Variants in PRKACA observed in about 807,000 individuals in gnomAD.
PRKACA encodes the protein cAMP-dependent protein kinase catalytic subunit alpha.
In PRKACA, 9 loss-of-function variants were observed where a neutral mutation model predicts 45.8. That is an observed-to-expected ratio of 0.20 (90% CI 0.12 to 0.34). PRKACA has a LOEUF of 0.34. Ranked by LOEUF, PRKACA falls within the 10% of genes least tolerant of loss-of-function variation. The pLI, the probability that PRKACA is intolerant of heterozygous loss-of-function variation, is 1.00. For missense variants in PRKACA, 238 were observed against 458.6 expected (o/e 0.52, Z 4.39); for synonymous variants, 160 against 178.6 (o/e 0.90, Z 0.83).
At chr19:14,109,999 T>TATATACATACACACACACACACAC (rs1555774928) in intron 1 of PRKACA, among the ~76,000 whole-genome samples, 1 of 55,468 alleles carries the variant, frequency 1.8e-5, no homozygotes, top group African/African-American at 1.0e-4. Context: ...TATATATATA[T>TATATACATACACACACACACACAC]ACACACACAC....
At chr19:14,093,831 C>A in intron 8 of PRKACA, 39 bp from the exon 9 acceptor site, 1 of 1,576,790 alleles carries the variant, frequency 6.3e-7, no homozygotes, top group South Asian at 1.2e-5. Context: ...GGAAGCTGGT[C>A]TGGAACTTGG....
intron 9 of PRKACA, 147 bp from the exon 10 acceptor site, chr19:14,093,384 C>T: frequency 1.7e-6 from 2 of 1,190,038 alleles, no homozygotes; most frequent in Admixed American, 2.6e-5. Flanking sequence ...TCTTAACAGC[C>T]CGAAACTCTT....
intron 5 of PRKACA, among the ~76,000 whole-genome samples, chr19:14,099,059 G>T (rs1437092843): frequency 5.3e-5 from 8 of 151,968 alleles, no homozygotes; most frequent in Admixed American, 1.3e-4. Flanking sequence ...GGCCAAGGCG[G>T]GGGGGGCGGA....
chr19:14,115,795 T>C (rs760886950), intron 1 of PRKACA, among the ~76,000 whole-genome samples: 1 of 152,118 alleles, frequency 6.6e-6, no homozygotes, highest in African/African-American at 2.4e-5. Flanking sequence ...AACTTTCAAC[T>C]GAGCTACCGC....
chr19:14,093,607 G>A, intron 9 of PRKACA, 21 bp downstream of exon 9: 1 of 1,607,912 alleles, frequency 6.2e-7, no homozygotes, highest in Non-Finnish European at 8.5e-7. Flanking sequence ...CCCTCAGCAG[G>A]CTTAAGGAGG....
At chr19:14,117,426 AG>A in intron 1 of PRKACA, 75 bp downstream of exon 1, 1 of 1,220,606 alleles carries the variant, frequency 8.2e-7, no homozygotes, top group Non-Finnish European at 1.0e-6. Flanking sequence ...CCGTAGGGGG[AG>A]GGGCCAGGCG....
At chr19:14,094,350 G>A (rs1977184921) in intron 8 of PRKACA, among the ~76,000 whole-genome samples, 1 of 152,034 alleles carries the variant, frequency 6.6e-6, no homozygotes, top group African/African-American at 2.4e-5. Context: ...CAAGACACCT[G>A]GCTAATTTTT....
rs1977483155 is a variant in PRKACA, at chr19:14,102,801, C to G, written c.336+15G>C. 6.2e-7 allele frequency: 1 copy of G among 1,609,092 alleles called. No homozygotes were observed. Among genetic ancestry groups the G allele is most frequent in the African/African-American group, 1.3e-5 (1 of 74,826 alleles). Reference sequence around the variant, plus strand: ...CAATGCAGTGACCCCCCGCCCTTGGCCACTGGGACCCCACCTTGAAGGAGA... The same window carrying G: ...CAATGCAGTGACCCCCCGCCCTTGGGCACTGGGACCCCACCTTGAAGGAGA... On this transcript the variant is annotated intron_variant, in intron 4 of 9. Coordinates refer to ENST00000308677, the MANE Select transcript of PRKACA (RefSeq NM_002730.4).
chr19:14,113,224 G>A (rs1300249471), intron 1 of PRKACA, among the ~76,000 whole-genome samples: 1 of 152,010 alleles, frequency 6.6e-6, no homozygotes, highest in Admixed American at 6.6e-5. Context: ...GGGAGGGGGA[G>A]GCAGCCTTGA....
At chr19:14,108,303 A>T (rs756550513) in intron 1 of PRKACA, 36 of 231,408 alleles carry the variant, frequency 1.6e-4, no homozygotes, top group Non-Finnish European at 2.3e-4. Flanking sequence ...TTGAGGAATG[A>T]ATGAGTTCAT....
intron 4 of PRKACA, 68 bp from the exon 5 acceptor site, chr19:14,100,976 G>T: frequency 7.2e-7 from 1 of 1,384,284 alleles, no homozygotes; most frequent in Non-Finnish European, 1.0e-6. Context: ...GGCCTTGGGG[G>T]CCTCCCCGGC....
At chr19:14,096,032 G>GTTTTTTT (rs60082323) in intron 8 of PRKACA, among the ~76,000 whole-genome samples, 7 of 92,580 alleles carry the variant, frequency 7.6e-5, no homozygotes, top group South Asian at 3.5e-4. Flanking sequence ...CTAATTTTTA[G>GTTTTTTT]TTTTTTTTTT....
chr19:14,094,240 G>A (rs1248440287), intron 8 of PRKACA, among the ~76,000 whole-genome samples: 3 of 149,570 alleles, frequency 2.0e-5, no homozygotes, highest in African/African-American at 5.0e-5. Flanking sequence ...CCAGGCTGGA[G>A]TGCAGTGGTG....
intron 4 of PRKACA, 81 bp from the exon 5 acceptor site, chr19:14,100,989 G>A: frequency 2.4e-6 from 3 of 1,242,936 alleles, no homozygotes; most frequent in Non-Finnish European, 3.6e-6. Flanking sequence ...TCCCCGGCTG[G>A]TGTTCAAACA....
intron 1 of PRKACA, among the ~76,000 whole-genome samples, chr19:14,113,792 T>TG (rs3837938): frequency 0.19 from 29,557 of 151,846 alleles, 3,652 homozygotes; most frequent in African/African-American, 0.36. Flanking sequence ...ACCCCAACAC[T>TG]GGCTGGAACG....
chr19:14,104,998 A>G (rs1977560936), intron 3 of PRKACA, among the ~76,000 whole-genome samples: 1 of 152,186 alleles, frequency 6.6e-6, no homozygotes, highest in African/African-American at 2.4e-5. Context: ...GCTTTTTCTT[A>G]TCTTTCCAGG....
chr19:14,109,138 G>C (rs1321362829), intron 1 of PRKACA, among the ~76,000 whole-genome samples: 1 of 151,372 alleles, frequency 6.6e-6, no homozygotes, highest in Non-Finnish European at 1.5e-5. Context: ...CACAAGGTCA[G>C]GAGTTCGAGA....
intron 3 of PRKACA, among the ~76,000 whole-genome samples, chr19:14,105,569 A>T (rs1977577878): frequency 6.6e-6 from 1 of 151,996 alleles, no homozygotes; most frequent in South Asian, 2.1e-4. Flanking sequence ...AATTTCATGA[A>T]TGACACCTGT....
chr19:14,091,705 C>T lies in PRKACA; in HGVS notation c.*1407G>A, dbSNP rs934721932. The T allele has an allele frequency of 6.6e-6, 1 of 152,292 alleles. No homozygotes were observed. The highest frequency in any genetic ancestry group is 1.5e-5 in the Non-Finnish European group (1 of 68,018). 9.4% of individuals were successfully genotyped at this position (152,292 alleles called of 1,614,324 possible). A position where few individuals can be genotyped will look rare whatever the true frequency, so the allele number is the denominator to read the frequency against. ...AGCGACACTTTTTTTTTAAACAAAA[C>T]TTTATTGGTAATAGTTTTCAAATAT... On this transcript the variant is annotated 3_prime_UTR_variant, in exon 10 of 10. Coordinates refer to ENST00000308677, the MANE Select transcript of PRKACA (RefSeq NM_002730.4).
Sources: gnomAD v4.1 joint callset for allele counts (sites outside exome capture counted in the v4.1 genomes callset) on GRCh38, gnomAD v4.1.1 for gene constraint, MANE v1.5 for transcripts, NCBI Gene and HGNC (gene_info 2026-07-23, HGNC 2026-07-21) for gene names.